The following GRIA4 variants were observed in gnomAD, a reference collection of about 807,000 sequenced individuals.
GRIA4 encodes glutamate ionotropic receptor AMPA type subunit 4, also known as glutamate receptor 4.
In GRIA4, 34 loss-of-function variants were observed where a neutral mutation model predicts 104.0. The observed-to-expected ratio is 0.33, with a 90% CI of 0.25 to 0.44. GRIA4 has a LOEUF of 0.44. Ranked by LOEUF, GRIA4 falls within the 20% of genes least tolerant of loss-of-function variation. The pLI, the probability that GRIA4 is intolerant of heterozygous loss-of-function variation, is 1.00. For synonymous variants in GRIA4, 386 were observed against 381.9 expected (o/e 1.01, Z -0.13); for missense variants, 750 against 1,096.5 (o/e 0.68, Z 4.46).
At chr11:105,724,309 A>T (rs997446955) in intron 3 of GRIA4, among the ~76,000 whole-genome samples, 1 of 137,280 alleles carries the variant, frequency 7.3e-6, no homozygotes, top group African/African-American at 2.5e-5. Context: ...GGACAATTAG[A>T]TAAATAAAAT....
intron 14 of GRIA4, among the ~76,000 whole-genome samples, chr11:105,956,479 T>A (rs1371797100): frequency 6.6e-6 from 1 of 152,240 alleles, no homozygotes; most frequent in Non-Finnish European, 1.5e-5. Flanking sequence ...GGTGTATATG[T>A]GCCACATTTT....
At chr11:105,663,881 G>A (rs1024420784) in intron 3 of GRIA4, among the ~76,000 whole-genome samples, 1 of 151,554 alleles carries the variant, frequency 6.6e-6, no homozygotes, top group Admixed American at 6.6e-5. Context: ...ATGTAACAGT[G>A]CTCAACTTTT....
chr11:105,688,426 T>G (rs1399909321), intron 3 of GRIA4, among the ~76,000 whole-genome samples: 3 of 151,958 alleles, frequency 2.0e-5, no homozygotes, highest in Non-Finnish European at 4.4e-5. Flanking sequence ...CCGGGCGTGG[T>G]GGCGTGCGCC....
At chr11:105,906,673 A>T (rs1289362739) in intron 9 of GRIA4, among the ~76,000 whole-genome samples, 1 of 152,138 alleles carries the variant, frequency 6.6e-6, no homozygotes, top group Admixed American at 6.6e-5. Flanking sequence ...GGTAAGCTGG[A>T]GCCTACCTGA....
chr11:105,770,457 A>T (rs1159331817), intron 4 of GRIA4, among the ~76,000 whole-genome samples: 1 of 152,076 alleles, frequency 6.6e-6, no homozygotes, highest in Non-Finnish European at 1.5e-5. Flanking sequence ...ACTTGGTCAA[A>T]CTTTCTCAGC....
At chr11:105,718,333 G>T (rs1484681789) in intron 3 of GRIA4, among the ~76,000 whole-genome samples, 1 of 152,112 alleles carries the variant, frequency 6.6e-6, no homozygotes, top group East Asian at 1.9e-4. Context: ...TAGATCCTTG[G>T]TTTAATTCAC....
intron 3 of GRIA4, among the ~76,000 whole-genome samples, chr11:105,646,039 A>T (rs1951518125): frequency 6.6e-6 from 1 of 152,178 alleles, no homozygotes; most frequent in Admixed American, 6.5e-5. Context: ...TTCCATTAAT[A>T]TTAGCTAAGA....
intron 14 of GRIA4, among the ~76,000 whole-genome samples, chr11:105,935,653 T>C (rs1948012306): frequency 6.6e-6 from 1 of 152,190 alleles, no homozygotes; most frequent in South Asian, 2.1e-4. Context: ...TTACATTCAC[T>C]GGATGTCTCT....
Position 105,911,931 on chromosome 11 carries a change from G to A in GRIA4, c.1269+1386G>A, listed in dbSNP as rs763739231. 2.6e-6 allele frequency: 4 copies of A among 1,553,450 alleles called. No individual in the cohort carries two copies. In the South Asian group the frequency reaches 4.7e-5, roughly 18 times the overall value. ...TGATCAAGAAAGAAAAGAGTTCCGC[G>A]CTGTTCGACCATTCCTAACTAAGGC... On this transcript the variant is annotated intron_variant, in intron 10 of 16. Transcript: ENST00000282499.
Position 105,903,877 on chromosome 11 carries a change from A to T in GRIA4, c.949A>T (p.Arg317Trp). The T allele has an allele frequency of 6.2e-7, 1 of 1,612,230 alleles. No homozygotes were observed. Among genetic ancestry groups the T allele is most frequent in the Non-Finnish European group, 8.5e-7 (1 of 1,178,322 alleles). The stretch of plus-strand genomic sequence containing the variant: ...GGCTGAAACTTTCCGAAGTCTTAGG[A>T]GGCAGAAAATTGATATCTCAAGGAG... ...VMAETFRSLR[R>W]QKIDISRRGN... Residue 317 changes from arginine (R) to tryptophan (W), a missense_variant, in exon 8 of 17, where the codon AGG becomes TGG. Arg to Trp is a moderately radical substitution (Grantham distance 101, BLOSUM62 -3). Transcript: ENST00000282499.
At chr11:105,737,399 A>AAT (rs1417009274) in intron 3 of GRIA4, among the ~76,000 whole-genome samples, 1 of 152,134 alleles carries the variant, frequency 6.6e-6, no homozygotes, top group Non-Finnish European at 1.5e-5. Flanking sequence ...GCAAAAGTTT[A>AAT]ATATTTCCAT....
At position 105,633,191 on chromosome 11, in the gene GRIA4, C is replaced by T. The variant is rs555325846; in HGVS notation, c.247+20757C>T. Among the ~76,000 whole-genome samples, 5 of 152,226 alleles carry T rather than the reference C, an allele frequency of 3.3e-5. No individual in the cohort carries two copies. In the East Asian group the frequency reaches 9.7e-4, roughly 29 times the overall value. On this transcript the variant is annotated intron_variant, in intron 3 of 16. Transcript: ENST00000282499. ...ATTTGAAAAGATGAATTTATTATGC[C>T]ATTATATGGATTTCTGTTTGAAAAT...
rs147759887 is a variant in GRIA4, at chr11:105,735,607, T to C, written c.248-17374T>C. The stretch of plus-strand genomic sequence containing the variant: ...TGTAAAATTGTTCCTTCTATTTGAA[T>C]GGACTTTTTATCTCTACTTTTTATC... On this transcript the variant is annotated intron_variant, in intron 3 of 16. Transcript: ENST00000282499. Among the ~76,000 whole-genome samples the C allele has an allele frequency of 1.6e-4, 25 of 152,334 alleles. No individual in the cohort carries two copies. The East Asian group carries it at 4.8e-3, about 29-fold the overall frequency.
chr11:105,896,576 T>G (rs1175540105), intron 6 of GRIA4, among the ~76,000 whole-genome samples: 1 of 152,140 alleles, frequency 6.6e-6, no homozygotes, highest in Non-Finnish European at 1.5e-5. Flanking sequence ...TAGTCTTTAA[T>G]CTATCTTAAT....
At chr11:105,770,494 C>T (rs536637976) in intron 4 of GRIA4, among the ~76,000 whole-genome samples, 69 of 152,090 alleles carry the variant, frequency 4.5e-4, no homozygotes, top group South Asian at 8.3e-4. Flanking sequence ...CCAAAATAAA[C>T]GCAAAATTTA....
chr11:105,804,594 G>T (rs192165300), intron 4 of GRIA4, among the ~76,000 whole-genome samples: 10 of 151,986 alleles, frequency 6.6e-5, no homozygotes, highest in African/African-American at 2.4e-4. Context: ...TTTCAAGAAG[G>T]TAAATAAGTC....
intron 3 of GRIA4, among the ~76,000 whole-genome samples, chr11:105,620,273 G>A (rs556006000): frequency 5.4e-4 from 82 of 151,844 alleles, no homozygotes; most frequent in African/African-American, 2.0e-3. Context: ...CTACTATAAT[G>A]GAGTACTGTG....
At position 105,833,819 on chromosome 11, in the gene GRIA4, T is replaced by C. The variant is rs148290585; in HGVS notation, c.488-28205T>C. Among the ~76,000 whole-genome samples, 194 of 152,072 alleles carry C rather than the reference T, an allele frequency of 1.3e-3. 1 individual carries two copies. The highest frequency in any genetic ancestry group is 4.2e-3 in the African/African-American group (175 of 41,552). ...ATGTTCTCCTACCTATCCACAACCA[T>C]ATTCCAGTCCTGTTACCTTATTATT... On this transcript the variant is annotated intron_variant, in intron 4 of 16. Coordinates refer to ENST00000282499, the MANE Select transcript of GRIA4 (RefSeq NM_000829.4).
intron 14 of GRIA4, among the ~76,000 whole-genome samples, chr11:105,949,559 G>A (rs1948411506): frequency 6.6e-6 from 1 of 152,090 alleles, no homozygotes; most frequent in South Asian, 2.1e-4. Flanking sequence ...TGAGTACTCA[G>A]ATACTAGATC....
Sources: allele counts gnomAD v4.1 joint callset (sites outside exome capture counted in the v4.1 genomes callset), GRCh38; gene constraint gnomAD v4.1.1; transcripts MANE v1.5; gene names NCBI Gene and HGNC (gene_info 2026-07-23, HGNC 2026-07-21).